Variants in DACH1 observed in about 807,000 individuals in gnomAD.
DACH1 encodes the protein dachshund family transcription factor 1, also known as dachshund homolog 1.
A neutral mutation model predicts 54.2 loss-of-function variants in DACH1; 12 were observed. The ratio of observed to expected loss-of-function variants is 0.22; its 90% CI spans 0.14 to 0.36. The LOEUF (loss-of-function observed/expected upper bound fraction) is 0.36. DACH1 is among the 10% of genes least tolerant of loss of function. DACH1 has a pLI of 1.00. For synonymous variants in DACH1, 386 were observed against 366.2 expected, an observed-to-expected ratio of 1.05 and a Z score of -0.62; for missense variants, 805 against 929.8, an observed-to-expected ratio of 0.87 and a Z score of 1.75.
chr13:71,825,248 T>G (rs529780726), intron 1 of DACH1, among the ~76,000 whole-genome samples: 2 of 152,226 alleles, frequency 1.3e-5, no homozygotes, highest in South Asian at 4.1e-4. Context: ...CAGGTGATAA[T>G]TTTGCATTAT....
At chr13:71,675,021 T>C (rs1252043404) in intron 2 of DACH1, 5 of 583,344 alleles carry the variant, frequency 8.6e-6, no homozygotes, top group Non-Finnish European at 1.1e-5. Context: ...CTCGCCGAGC[T>C]CCAGCCGAAG....
At chr13:71,740,197 T>TA (rs2137944787) in intron 1 of DACH1, among the ~76,000 whole-genome samples, 1 of 152,282 alleles carries the variant, frequency 6.6e-6, no homozygotes, top group African/African-American at 2.4e-5. Context: ...TGAAGACAGC[T>TA]AAATCGCACA....
At chr13:71,717,504 T>TCACACACACACACACACACA (rs3221998) in intron 1 of DACH1, among the ~76,000 whole-genome samples, 5 of 142,816 alleles carry the variant, frequency 3.5e-5, no homozygotes, top group African/African-American at 1.3e-4. Flanking sequence ...GTGTGTGTAA[T>TCACACACACACACACACACA]CACACACACA....
At chr13:71,529,005 C>T (rs1035392657) in intron 6 of DACH1, among the ~76,000 whole-genome samples, 7 of 151,824 alleles carry the variant, frequency 4.6e-5, no homozygotes, top group East Asian at 1.9e-4. Flanking sequence ...TGCATTAAGA[C>T]GGGACCTTTA....
intron 3 of DACH1, among the ~76,000 whole-genome samples, chr13:71,574,567 T>C (rs1885418356): frequency 6.6e-6 from 1 of 152,086 alleles, no homozygotes; most frequent in South Asian, 2.1e-4. Context: ...ATGATTTTTT[T>C]CCATTTACTT....
intron 6 of DACH1, among the ~76,000 whole-genome samples, chr13:71,519,909 C>A (rs1305901408): frequency 4.6e-3 from 53 of 11,636 alleles, no homozygotes; most frequent in Middle Eastern, 0.071. Flanking sequence ...ATATATATAT[C>A]CTAACTAACA....
chr13:71,507,042 C>A lies in DACH1; in HGVS notation c.1571-17894G>T, dbSNP rs533439008. On this transcript the variant is annotated intron_variant, in intron 6 of 10. Transcript: ENST00000613252. ...CACCAAAAGCAATGGCAACAAAAGA[C>A]AAAATTGACAAATGGGATCTAATTA... Among the ~76,000 whole-genome samples the A allele has an allele frequency of 1.2e-3, 184 of 151,272 alleles. 4 individuals carry two copies. Among genetic ancestry groups the A allele is most frequent in the Admixed American group, 0.01 (152 of 15,148 alleles).
intron 10 of DACH1, among the ~76,000 whole-genome samples, chr13:71,460,021 C>T (rs570995491): frequency 6.6e-6 from 1 of 152,080 alleles, no homozygotes; most frequent in African/African-American, 2.4e-5. Flanking sequence ...CTTCTATGTG[C>T]ATTGTTGGGT....
chr13:71,676,772 T>A (rs1311007950), intron 2 of DACH1, among the ~76,000 whole-genome samples: 1 of 152,206 alleles, frequency 6.6e-6, no homozygotes, highest in Non-Finnish European at 1.5e-5. Context: ...CGGTCCAGTA[T>A]TTTTTCCAAA....
intron 2 of DACH1, among the ~76,000 whole-genome samples, chr13:71,649,628 TAAG>T (rs1878536784): frequency 6.6e-6 from 1 of 152,172 alleles, no homozygotes; most frequent in Non-Finnish European, 1.5e-5. Flanking sequence ...AAACTAATTT[TAAG>T]ATGATGAAAA....
rs1319472709 is a variant in DACH1, at chr13:71,438,238, C to T, written c.*2417G>A. The stretch of plus-strand genomic sequence containing the variant: ...GGTCCTACATGAAGATGAGTATGTT[C>T]TGTTCCAAGGGCTTGCATAGAGCGC... On this transcript the variant is annotated 3_prime_UTR_variant, in exon 11 of 11. Coordinates refer to ENST00000613252, the MANE Select transcript of DACH1 (RefSeq NM_080759.6). 6.6e-6 allele frequency: 1 copy of T among 152,288 alleles called. No individual in the cohort carries two copies. Among genetic ancestry groups the T allele is most frequent in the African/African-American group, 2.4e-5 (1 of 41,412 alleles). 9.4% of individuals were successfully genotyped at this position (152,288 alleles called of 1,614,324 possible).
chr13:71,765,969 C>T (rs1885607240), intron 1 of DACH1, among the ~76,000 whole-genome samples: 1 of 150,384 alleles, frequency 6.6e-6, no homozygotes, highest in Admixed American at 6.6e-5. Flanking sequence ...TCACTGCAAG[C>T]TCCGCCTCCC....
At chr13:71,553,105 T>G (rs1883994153) in intron 6 of DACH1, among the ~76,000 whole-genome samples, 1 of 142,342 alleles carries the variant, frequency 7.0e-6, no homozygotes, top group South Asian at 2.2e-4. Flanking sequence ...CATATATGTA[T>G]ATTAGACATA....
rs932363470 is a variant in DACH1 at position 71,510,402 on chromosome 13, A to G, written c.1571-21254T>C. On this transcript the variant is annotated intron_variant, in intron 6 of 10. Coordinates refer to ENST00000613252, the MANE Select transcript of DACH1 (RefSeq NM_080759.6). ...GGGGATATCTAATAGATATCCTAAA[A>G]AAAATGTTCAAAAAATGAACACTTC... Among the ~76,000 whole-genome samples the G allele has an allele frequency of 2.6e-5, 4 of 151,986 alleles. No individual in the cohort carries two copies. In the South Asian group the frequency reaches 8.3e-4, roughly 32 times the overall value.
intron 6 of DACH1, among the ~76,000 whole-genome samples, chr13:71,550,672 A>C (rs1883756850): frequency 6.6e-6 from 1 of 152,150 alleles, no homozygotes; most frequent in African/African-American, 2.4e-5. Flanking sequence ...TAACAAAACC[A>C]GTGTCTTAAG....
At chr13:71,771,126 A>T (rs770426464) in intron 1 of DACH1, among the ~76,000 whole-genome samples, 9 of 151,318 alleles carry the variant, frequency 5.9e-5, no homozygotes, top group Non-Finnish European at 1.2e-4. Context: ...CTCAGTTTAA[A>T]CTCCCTAGCC....
chr13:71,641,251 A>C (rs1390953672), intron 2 of DACH1, among the ~76,000 whole-genome samples: 1 of 152,130 alleles, frequency 6.6e-6, no homozygotes, highest in Non-Finnish European at 1.5e-5. Flanking sequence ...GAATATATGT[A>C]CACATACATA....
chr13:71,598,532 C>T (rs914732764), intron 3 of DACH1, among the ~76,000 whole-genome samples: 1 of 152,110 alleles, frequency 6.6e-6, no homozygotes, highest in African/African-American at 2.4e-5. Flanking sequence ...GGATTACAGG[C>T]GTGAGCCACT....
In DACH1 at chr13:71,866,922, G is replaced by T; in HGVS notation, c.-153C>A. The T allele has an allele frequency of 1.9e-6, 1 of 518,608 alleles. No homozygotes were observed. The highest frequency in any genetic ancestry group is 2.9e-6 in the Non-Finnish European group (1 of 344,888). 32.1% of individuals were successfully genotyped at this position (518,608 alleles called of 1,614,324 possible). ...GAGAAGGAGAAAGGGAGAGAAGGGG[G>T]AGAAAAGGAGGTGAAGGTAATAAAG... On this transcript the variant is annotated 5_prime_UTR_variant, in exon 1 of 11. Transcript: ENST00000613252.
Sources: gnomAD v4.1 joint callset for allele counts (sites outside exome capture counted in the v4.1 genomes callset) on GRCh38, gnomAD v4.1.1 for gene constraint, MANE v1.5 for transcripts, NCBI Gene and HGNC (gene_info 2026-07-23, HGNC 2026-07-21) for gene names.